Variants in PAIP1 observed in about 807,000 individuals in gnomAD.
The protein encoded by PAIP1 is polyadenylate-binding protein-interacting protein 1.
Under a neutral mutation model 61.3 loss-of-function variants are expected in PAIP1, and 16 were observed. The ratio of observed to expected loss-of-function variants is 0.26; its 90% CI spans 0.18 to 0.40. The LOEUF (loss-of-function observed/expected upper bound fraction) is 0.40, where lower values mean the gene tolerates loss of function less well. Among genes scored for constraint, PAIP1 ranks in the 10% least tolerant of loss-of-function variants. The pLI, the probability that PAIP1 is intolerant of heterozygous loss-of-function variation, is 1.00. For synonymous variants in PAIP1, 187 were observed against 226.2 expected (o/e 0.83, Z 1.56); for missense variants, 416 against 600.9 (o/e 0.69, Z 3.22).
chr5:43,532,231 A>G (rs752940178), intron 9 of PAIP1, among the ~76,000 whole-genome samples: 2 of 152,188 alleles, frequency 1.3e-5, no homozygotes, highest in Non-Finnish European at 2.9e-5. Flanking sequence ...AATCAAGGTA[A>G]TTTTTAAGAA....
rs1462489449 is a variant in PAIP1 at position 43,526,445 on chromosome 5, A to G, written c.*931T>C. 1.3e-5 allele frequency: 2 copies of G among 152,288 alleles called. No individual in the cohort carries two copies. Among genetic ancestry groups the G allele is most frequent in the East Asian group, 3.8e-4 (2 of 5,204 alleles). The allele number at this position is 152,288 out of a possible 1,614,324, so 9.4% of individuals were successfully genotyped here. On this transcript the variant is annotated 3_prime_UTR_variant, in exon 11 of 11. Coordinates refer to ENST00000306846, the MANE Select transcript of PAIP1 (RefSeq NM_006451.5). ...ATATTTACAAGCAATCCTTTTGTAC[A>G]CAGTTTTTAGTTAGCTGGAAAAAGA...
intron 9 of PAIP1, among the ~76,000 whole-genome samples, chr5:43,532,085 CTG>C (rs1746964948): frequency 6.6e-6 from 1 of 152,126 alleles, no homozygotes. Context: ...GAAAAAGAAA[CTG>C]AGATCTACTG....
intron 4 of PAIP1, among the ~76,000 whole-genome samples, chr5:43,542,409 G>A (rs4866835): frequency 0.49 from 73,510 of 150,762 alleles, 18,728 homozygotes; most frequent in Middle Eastern, 0.63. Context: ...GCGGGTGCCT[G>A]TAGTCCCAGC....
chr5:43,552,511 C>T (rs750101636), intron 2 of PAIP1, among the ~76,000 whole-genome samples: 11 of 152,208 alleles, frequency 7.2e-5, no homozygotes, highest in Non-Finnish European at 1.5e-4. Flanking sequence ...GAAGAAAGAA[C>T]GTCACCAACT....
intron 10 of PAIP1, among the ~76,000 whole-genome samples, chr5:43,528,861 A>T (rs1056039291): frequency 6.6e-6 from 1 of 152,188 alleles, no homozygotes; most frequent in Non-Finnish European, 1.5e-5. Flanking sequence ...ACTAAACCTC[A>T]CAATTTCCTG....
intron 2 of PAIP1, 104 bp from the exon 3 acceptor site, chr5:43,548,017 G>T: frequency 1.6e-6 from 1 of 642,256 alleles, no homozygotes; most frequent in Non-Finnish European, 2.6e-6. Flanking sequence ...TCCCTCACAT[G>T]ATAAAAATTT....
chr5:43,555,820 G>A lies in PAIP1; in HGVS notation c.435+10C>T, dbSNP rs771328001. 6.3e-6 allele frequency: 10 copies of A among 1,598,984 alleles called. No individual in the cohort carries two copies. In the Admixed American group the frequency reaches 1.7e-4, roughly 27 times the overall value. ...TTAACCCAGAGTTGTAGGAAAAAGG[G>A]TGTACTTACTGTGTAACTGGAAGAA... On this transcript the variant is annotated intron_variant, in intron 2 of 10. Coordinates refer to ENST00000306846, the MANE Select transcript of PAIP1 (RefSeq NM_006451.5).
At chr5:43,554,966 A>C in intron 2 of PAIP1, among the ~76,000 whole-genome samples, 1 of 152,252 alleles carries the variant, frequency 6.6e-6, no homozygotes, top group Non-Finnish European at 1.5e-5. Flanking sequence ...TATAAAAATA[A>C]GTCACCTCCA....
intron 2 of PAIP1, among the ~76,000 whole-genome samples, chr5:43,555,247 T>G (rs981630255): frequency 6.6e-6 from 1 of 152,198 alleles, no homozygotes; most frequent in African/African-American, 2.4e-5. Context: ...TCTGCTATAC[T>G]TCAATAAAAC....
intron 2 of PAIP1, among the ~76,000 whole-genome samples, chr5:43,550,983 C>CA (rs1293726998): frequency 1.3e-5 from 2 of 152,048 alleles, no homozygotes; most frequent in Non-Finnish European, 1.5e-5. Flanking sequence ...ACACAGGCCC[C>CA]AAGGAGGCCT....
intron 2 of PAIP1, 97 bp downstream of exon 2, chr5:43,555,733 G>T: frequency 9.8e-7 from 1 of 1,020,282 alleles, no homozygotes; most frequent in Non-Finnish European, 1.4e-6. Flanking sequence ...TTTTTTACGT[G>T]TAGTACAGAA....
chr5:43,544,266 TACTA>T (rs10601284), intron 3 of PAIP1, among the ~76,000 whole-genome samples: 10,738 of 151,974 alleles, frequency 0.071, 627 homozygotes, highest in African/African-American at 0.16. Context: ...TGGGTCTACT[TACTA>T]ACTTTTATTT....
At chr5:43,539,191 G>A (rs1747288884) in intron 4 of PAIP1, among the ~76,000 whole-genome samples, 156 bp from the exon 5 acceptor site, 1 of 152,144 alleles carries the variant, frequency 6.6e-6, no homozygotes, top group Admixed American at 6.5e-5. Flanking sequence ...GACTATTGAA[G>A]AGGCTAGAAT....
At position 43,547,715 on chromosome 5, in the gene PAIP1, T is replaced by C. The variant is rs200411000; in HGVS notation, c.621+13A>G. On this transcript the variant is annotated intron_variant, in intron 3 of 10. Coordinates refer to ENST00000306846, the MANE Select transcript of PAIP1 (RefSeq NM_006451.5). Reference sequence around the variant, plus strand: ...GCTATCTGAAGGTCACTGCATGCTATAAGCCAACATACCTGTTGATAGATG... The same window carrying C: ...GCTATCTGAAGGTCACTGCATGCTACAAGCCAACATACCTGTTGATAGATG... 5.0e-6 allele frequency: 8 copies of C among 1,586,318 alleles called. No individual in the cohort carries two copies. The highest frequency in any genetic ancestry group is 6.9e-6 in the Non-Finnish European group (8 of 1,161,102).
chr5:43,547,556 G>A (rs1747690223), intron 3 of PAIP1, among the ~76,000 whole-genome samples, 172 bp downstream of exon 3: 1 of 152,044 alleles, frequency 6.6e-6, no homozygotes, highest in South Asian at 2.1e-4. Flanking sequence ...CTCTACCCTT[G>A]GATCCCTAAC....
chr5:43,535,120 C>G (rs1203198684), intron 7 of PAIP1, 150 bp from the exon 8 acceptor site: 3 of 599,198 alleles, frequency 5.0e-6, no homozygotes, highest in Non-Finnish European at 8.9e-6. Context: ...GACATAAATT[C>G]ATTTAAAAAA....
chr5:43,552,355 T>G (rs1234734578), intron 2 of PAIP1, among the ~76,000 whole-genome samples: 1 of 152,200 alleles, frequency 6.6e-6, no homozygotes. Flanking sequence ...GAATGTGAGG[T>G]CCTCAAGAAG....
rs189131784 is a variant in PAIP1 at position 43,538,821 on chromosome 5, C to T, written c.846+103G>A. ...GTTTTCTTTCCTCTCTCTTTCATTT[C>T]ACTCTTAATGTTGTAAAAGTACAAT... On this transcript the variant is annotated intron_variant, in intron 5 of 10. Transcript: ENST00000306846. The T allele has an allele frequency of 6.9e-3, 4,660 of 671,764 alleles. 28 individuals are homozygous for T. The highest frequency in any genetic ancestry group is 0.015 in the South Asian group (810 of 53,488). 41.6% of individuals were successfully genotyped at this position (671,764 alleles called of 1,614,324 possible).
intron 7 of PAIP1, 151 bp downstream of exon 7, chr5:43,535,383 G>A: frequency 3.3e-6 from 2 of 612,094 alleles, no homozygotes; most frequent in Non-Finnish European, 5.7e-6. Flanking sequence ...AGAAACTATA[G>A]GTAAAATATT....
Sources: gnomAD v4.1 joint callset for allele counts (sites outside exome capture counted in the v4.1 genomes callset) on GRCh38, gnomAD v4.1.1 for gene constraint, MANE v1.5 for transcripts, NCBI Gene and HGNC (gene_info 2026-07-23, HGNC 2026-07-21) for gene names.